EIPR1: variants seen among roughly 807,000 people sequenced by gnomAD.
EIPR1 encodes EARP complex and GARP complex interacting protein 1.
In EIPR1, 25 loss-of-function variants were observed where a neutral mutation model predicts 48.1. The ratio of observed to expected loss-of-function variants is 0.52; its 90% CI spans 0.38 to 0.73. EIPR1 has a LOEUF of 0.73. Ranked by LOEUF, EIPR1 falls within the 30% of genes least tolerant of loss-of-function variation. The pLI is 0.00. For missense variants in EIPR1, 415 were observed against 506.2 expected (o/e 0.82, Z 1.73); for synonymous variants, 204 against 201.9 (o/e 1.01, Z -0.09).
chr2:3,216,318 G>A (rs1048873490), intron 4 of EIPR1, among the ~76,000 whole-genome samples: 5 of 152,094 alleles, frequency 3.3e-5, no homozygotes, highest in Admixed American at 3.3e-4. Context: ...ACTCACGTGT[G>A]CTTCCCACCA....
intron 1 of EIPR1, among the ~76,000 whole-genome samples, chr2:3,363,675 A>T (rs971199842): frequency 1.3e-5 from 2 of 152,120 alleles, no homozygotes; most frequent in Non-Finnish European, 2.9e-5. Context: ...ACAGAGTGAG[A>T]CCGTGCCTCA....
chr2:3,246,981 G>GGAGGGAGGGAGCGAGC lies in EIPR1; in HGVS notation c.416+10317_416+10318insGCTCGCTCCCTCCCTC, dbSNP rs1666836057. The stretch of plus-strand genomic sequence containing the variant: ...ACAGGGAGAGAGGGGAAGGAGGGAG[G>GGAGGGAGGGAGCGAGC]GAGGGAGGGAGAGAGCGAGGGAGGA... On this transcript the variant is annotated intron_variant, in intron 4 of 8. Coordinates refer to ENST00000382125, the MANE Select transcript of EIPR1 (RefSeq NM_003310.5). Among the ~76,000 whole-genome samples the GGAGGGAGGGAGCGAGC allele has an allele frequency of 9.5e-3, 2 of 210 alleles. 1 individual carries two copies. Among genetic ancestry groups the GGAGGGAGGGAGCGAGC allele is most frequent in the African/African-American group, 0.025 (2 of 80 alleles). The allele number at this position is 210 out of a possible 152,430, so 0.1% of individuals were successfully genotyped here.
At chr2:3,207,393 C>T (rs951466666) in intron 5 of EIPR1, among the ~76,000 whole-genome samples, 14 of 152,224 alleles carry the variant, frequency 9.2e-5, no homozygotes, top group African/African-American at 3.4e-4. Context: ...CTCAGGTCGT[C>T]CTGTACTCTG....
chr2:3,199,338 C>T (rs992727763), intron 5 of EIPR1, among the ~76,000 whole-genome samples: 6 of 152,100 alleles, frequency 3.9e-5, no homozygotes, highest in Non-Finnish European at 5.9e-5. Flanking sequence ...TCACAGGGTC[C>T]TGAGGCAACA....
chr2:3,221,996 T>C (rs1665910037), intron 4 of EIPR1, among the ~76,000 whole-genome samples: 1 of 151,898 alleles, frequency 6.6e-6, no homozygotes, highest in African/African-American at 2.4e-5. Flanking sequence ...CGCGGTTTTT[T>C]TTTTGTTTGT....
chr2:3,301,974 C>CA (rs1668774200), intron 3 of EIPR1, among the ~76,000 whole-genome samples: 1 of 152,184 alleles, frequency 6.6e-6, no homozygotes, highest in South Asian at 2.1e-4. Flanking sequence ...ACAGGACCAC[C>CA]ATGAGGGCTC....
intron 3 of EIPR1, among the ~76,000 whole-genome samples, chr2:3,333,209 A>G (rs1290043323): frequency 1.3e-5 from 2 of 152,244 alleles, no homozygotes; most frequent in African/African-American, 2.4e-5. Context: ...TGTGATGTTC[A>G]TTCTAGCATG....
chr2:3,260,478 G>A (rs1168129854), intron 3 of EIPR1, among the ~76,000 whole-genome samples: 1 of 110,150 alleles, frequency 9.1e-6, no homozygotes, highest in Non-Finnish European at 1.7e-5. Flanking sequence ...GCAACACAGC[G>A]AGACTCCATC....
intron 3 of EIPR1, among the ~76,000 whole-genome samples, chr2:3,283,703 G>A (rs1558271914): frequency 6.6e-6 from 1 of 152,206 alleles, no homozygotes; most frequent in Non-Finnish European, 1.5e-5. Flanking sequence ...CAGCACTTTG[G>A]GAGGCCAAGG....
At chr2:3,291,440 A>G (rs1668362555) in intron 3 of EIPR1, among the ~76,000 whole-genome samples, 1 of 152,368 alleles carries the variant, frequency 6.6e-6, no homozygotes, top group Non-Finnish European at 1.5e-5. Flanking sequence ...CTTAGAACTC[A>G]TAACTATCTG....
chr2:3,297,799 A>G (rs922532992), intron 3 of EIPR1, among the ~76,000 whole-genome samples: 2 of 152,162 alleles, frequency 1.3e-5, no homozygotes, highest in Admixed American at 6.5e-5. Flanking sequence ...CTCCTAGACC[A>G]TGAAAAGCTT....
At chr2:3,314,729 C>T (rs1344497043) in intron 3 of EIPR1, among the ~76,000 whole-genome samples, 1 of 151,858 alleles carries the variant, frequency 6.6e-6, no homozygotes, top group Non-Finnish European at 1.5e-5. Context: ...CTCCGATGCC[C>T]CTCTGACTGC....
chr2:3,252,086 C>T lies in EIPR1; in HGVS notation c.416+5213G>A, dbSNP rs944372296. ...TAGCAAAGGGGCCTCGTTCACAGAA[C>T]GGTTCAATACGATATGGTTGTTGCA... On this transcript the variant is annotated intron_variant, in intron 4 of 8. Coordinates refer to ENST00000382125, the MANE Select transcript of EIPR1 (RefSeq NM_003310.5). Among the ~76,000 whole-genome samples, 11 of 152,304 alleles carry T rather than the reference C, an allele frequency of 7.2e-5. No homozygotes were observed. The East Asian group carries it at 1.7e-3, about 24-fold the overall frequency.
chr2:3,251,073 C>T (rs1395116856), intron 4 of EIPR1, among the ~76,000 whole-genome samples: 1 of 152,040 alleles, frequency 6.6e-6, no homozygotes, highest in Admixed American at 6.5e-5. Flanking sequence ...TAAAACATTA[C>T]ACTAGATGGG....
intron 8 of EIPR1, among the ~76,000 whole-genome samples, chr2:3,192,172 C>A (rs551458949): frequency 7.6e-4 from 116 of 152,324 alleles, no homozygotes; most frequent in Non-Finnish European, 1.3e-3. Context: ...AATAAGAATA[C>A]AAACACAAAT....
chr2:3,356,335 A>T (rs987234592), intron 1 of EIPR1, among the ~76,000 whole-genome samples: 8 of 152,218 alleles, frequency 5.3e-5, no homozygotes, highest in African/African-American at 1.7e-4. Flanking sequence ...GGATTTCCTG[A>T]AAGAGAAACG....
At chr2:3,375,410 A>ATTTC (rs1659843169) in intron 1 of EIPR1, among the ~76,000 whole-genome samples, 1 of 152,216 alleles carries the variant, frequency 6.6e-6, no homozygotes, top group Non-Finnish European at 1.5e-5. Context: ...AGAGAAAAAA[A>ATTTC]AGAAAATAAC....
intron 3 of EIPR1, among the ~76,000 whole-genome samples, chr2:3,275,979 A>T (rs534111222): frequency 6.6e-6 from 1 of 152,354 alleles, no homozygotes; most frequent in South Asian, 2.1e-4. Context: ...CTCAAAGTCG[A>T]CTGTATTTTT....
intron 3 of EIPR1, among the ~76,000 whole-genome samples, chr2:3,288,810 C>T (rs1668283497): frequency 6.6e-6 from 1 of 152,230 alleles, no homozygotes; most frequent in Admixed American, 6.5e-5. Flanking sequence ...AGCCATGATA[C>T]AGTGGGAGTG....
Sources: allele counts gnomAD v4.1 joint callset (sites outside exome capture counted in the v4.1 genomes callset), GRCh38; gene constraint gnomAD v4.1.1; transcripts MANE v1.5; gene names NCBI Gene and HGNC (gene_info 2026-07-23, HGNC 2026-07-21).